Variants in KALRN observed in about 807,000 individuals in gnomAD.
The protein encoded by KALRN is kalirin.
KALRN carries 70 observed loss-of-function variants against 353.7 expected under a neutral mutation model. That is an observed-to-expected ratio of 0.20 (90% CI 0.16 to 0.24). KALRN has a LOEUF of 0.24. Among genes scored for constraint, KALRN ranks in the 10% least tolerant of loss-of-function variants. The pLI is 1.00. For synonymous variants in KALRN, 1,391 were observed against 1,434.8 expected, an observed-to-expected ratio of 0.97 and a Z score of 0.69; for missense variants, 2,791 against 3,756.7, an observed-to-expected ratio of 0.74 and a Z score of 6.72.
intron 12 of KALRN, chr3:124,395,707 A>G (rs673083): frequency 0.97 from 212,785 of 218,626 alleles, 103,829 homozygotes; most frequent in East Asian, 1. Context: ...AGTGTTATTT[A>G]ACATCTGGTC....
At chr3:124,662,056 A>C in intron 45 of KALRN, 128 bp downstream of exon 45, 2 of 745,696 alleles carry the variant, frequency 2.7e-6, no homozygotes, top group Non-Finnish European at 4.8e-6. Flanking sequence ...ATGCCTTCCT[A>C]CCCGGGCCCC....
intron 4 of KALRN, among the ~76,000 whole-genome samples, chr3:124,266,169 G>T (rs7636024): frequency 0.43 from 65,209 of 151,866 alleles, 14,062 homozygotes; most frequent in Middle Eastern, 0.48. Flanking sequence ...ACCCAAATAC[G>T]ATGAAGCCAG....
At chr3:124,700,696 G>A (rs2062279571) in intron 56 of KALRN, among the ~76,000 whole-genome samples, 1 of 152,176 alleles carries the variant, frequency 6.6e-6, no homozygotes, top group Non-Finnish European at 1.5e-5. Flanking sequence ...TTTGGGCAGT[G>A]CAAGGGAGTG....
At chr3:124,046,958 G>GA (rs1278754310) in intron 1 of KALRN, among the ~76,000 whole-genome samples, 2 of 145,626 alleles carry the variant, frequency 1.4e-5, no homozygotes. Flanking sequence ...GTCTTATAAT[G>GA]AAACACTGTG....
intron 34 of KALRN, among the ~76,000 whole-genome samples, chr3:124,571,955 G>A (rs180946575): frequency 1.6e-4 from 24 of 151,914 alleles, no homozygotes; most frequent in Admixed American, 1.6e-3. Flanking sequence ...ATGCATATAA[G>A]CATAGCATAA....
intron 3 of KALRN, among the ~76,000 whole-genome samples, chr3:124,256,057 G>A (rs969110417): frequency 1.3e-5 from 2 of 152,194 alleles, no homozygotes; most frequent in African/African-American, 4.8e-5. Context: ...GTGGTCAGAT[G>A]ATAATGGGCG....
In KALRN at chr3:124,160,066, A is replaced by C. The variant is rs80238255; in HGVS notation, c.74-67924A>C. 5.7e-3 allele frequency among the ~76,000 whole-genome samples: 860 copies of C among 151,894 alleles called. 4 individuals are homozygous for C. The highest frequency in any genetic ancestry group is 0.019 in the African/African-American group (784 of 41,440). On this transcript the variant is annotated intron_variant, in intron 1 of 59. Coordinates refer to ENST00000682506, the MANE Select transcript of KALRN (RefSeq NM_001388419.1). Reference sequence around the variant, plus strand: ...TTGAATAAATGTCCCTTGAAAGTTCATATCTATCTGAAATCTTAGAATGTG... The same window carrying C: ...TTGAATAAATGTCCCTTGAAAGTTCCTATCTATCTGAAATCTTAGAATGTG...
chr3:124,677,350 T>C, intron 49 of KALRN: 1 of 228,532 alleles, frequency 4.4e-6, no homozygotes, highest in Non-Finnish European at 8.6e-6. Flanking sequence ...ATTTATGGAA[T>C]GTAAGGGCTC....
intron 1 of KALRN, among the ~76,000 whole-genome samples, chr3:124,039,591 C>T (rs541563413): frequency 3.3e-5 from 5 of 152,298 alleles, no homozygotes; most frequent in African/African-American, 1.2e-4. Context: ...CCCATCACAT[C>T]TAGGCAGGGA....
chr3:124,193,704 C>A (rs976118208), intron 1 of KALRN, among the ~76,000 whole-genome samples: 4 of 152,076 alleles, frequency 2.6e-5, no homozygotes, highest in African/African-American at 9.7e-5. Flanking sequence ...GTCCAACCTG[C>A]CAGTGATGAC....
intron 1 of KALRN, among the ~76,000 whole-genome samples, chr3:124,157,423 C>T (rs2069164562): frequency 6.6e-6 from 1 of 152,198 alleles, no homozygotes; most frequent in Non-Finnish European, 1.5e-5. Context: ...TTATGAAACA[C>T]CAATCACTGC....
At chr3:124,513,523 G>A (rs1260967915) in intron 33 of KALRN, among the ~76,000 whole-genome samples, 3 of 152,086 alleles carry the variant, frequency 2.0e-5, no homozygotes, top group Non-Finnish European at 2.9e-5. Flanking sequence ...CAGCTCCCCC[G>A]AACCCATTAC....
intron 3 of KALRN, among the ~76,000 whole-genome samples, chr3:124,247,214 C>G (rs540456637): frequency 6.6e-6 from 1 of 152,220 alleles, no homozygotes; most frequent in African/African-American, 2.4e-5. Context: ...CTCAGTTGCC[C>G]AAGAAGACAT....
chr3:124,303,566 G>A (rs186230901), intron 6 of KALRN, among the ~76,000 whole-genome samples: 81 of 152,280 alleles, frequency 5.3e-4, no homozygotes, highest in Non-Finnish European at 1.0e-3. Flanking sequence ...TTCTTCATGC[G>A]ACTCGCAGGA....
chr3:124,350,392 A>G (rs915091028), intron 10 of KALRN, among the ~76,000 whole-genome samples: 3 of 152,168 alleles, frequency 2.0e-5, no homozygotes, highest in Non-Finnish European at 2.9e-5. Context: ...GATAGGTAGT[A>G]TTTGCCTTGT....
chr3:124,100,715 T>A (rs1446780403), intron 1 of KALRN, among the ~76,000 whole-genome samples: 1 of 152,254 alleles, frequency 6.6e-6, no homozygotes, highest in African/African-American at 2.4e-5. Context: ...CAAAGTGTTT[T>A]GGATTCTGGA....
intron 30 of KALRN, 45 bp from the exon 31 acceptor site, chr3:124,491,278 C>A: frequency 1.4e-6 from 2 of 1,387,414 alleles, no homozygotes; most frequent in Non-Finnish European, 2.0e-6. Flanking sequence ...AGTTTCCCCA[C>A]TGCCCTCCCC....
intron 6 of KALRN, among the ~76,000 whole-genome samples, chr3:124,311,060 ACTT>A (rs1251767219): frequency 1.2e-5 from 1 of 86,772 alleles, no homozygotes; most frequent in Non-Finnish European, 2.8e-5. Context: ...ATGAGATACT[ACTT>A]CTTTTTTTTT....
chr3:124,392,556 AGTTTTTTTT>A (rs1276086686), intron 11 of KALRN, among the ~76,000 whole-genome samples: 2 of 136,824 alleles, frequency 1.5e-5, no homozygotes, highest in South Asian at 2.4e-4. Flanking sequence ...TTGGAGACAG[AGTTTTTTTT>A]GTTTTTTTTT....
Sources: gnomAD v4.1 joint callset for allele counts (sites outside exome capture counted in the v4.1 genomes callset) on GRCh38, gnomAD v4.1.1 for gene constraint, MANE v1.5 for transcripts, NCBI Gene and HGNC (gene_info 2026-07-23, HGNC 2026-07-21) for gene names.